Variants in EFCAB8 observed in about 807,000 individuals in gnomAD.
The protein encoded by EFCAB8 is EF-hand calcium-binding domain-containing protein 8.
A neutral mutation model predicts 116.3 loss-of-function variants in EFCAB8; 100 were observed. The observed-to-expected ratio is 0.86, with a 90% confidence interval of 0.73 to 1.02. The LOEUF is 1.02. Among genes scored for constraint, EFCAB8 ranks in the 50% least tolerant of loss-of-function variants. EFCAB8 has a pLI of 0.00. For missense variants in EFCAB8, 1,320 were observed against 1,416.9 expected (o/e 0.93, Z 1.10); for synonymous variants, 558 against 567.9 (o/e 0.98, Z 0.25).
intron 11 of EFCAB8, among the ~76,000 whole-genome samples, chr20:32,903,172 C>T (rs541508145): frequency 1.3e-3 from 200 of 152,346 alleles, no homozygotes; most frequent in African/African-American, 4.8e-3. Context: ...CCTCTCATGC[C>T]CTCTCCTCCT....
intron 5 of EFCAB8, among the ~76,000 whole-genome samples, chr20:32,881,843 G>T (rs374169216): frequency 1.3e-5 from 2 of 152,134 alleles, no homozygotes; most frequent in African/African-American, 2.4e-5. Context: ...GGATGAAGGC[G>T]CAATCCACCC....
At chr20:32,942,664 A>T (rs555624130) in intron 22 of EFCAB8, among the ~76,000 whole-genome samples, 1 of 152,128 alleles carries the variant, frequency 6.6e-6, no homozygotes, top group Non-Finnish European at 1.5e-5. Context: ...TTGGTGTTCA[A>T]GTCAGTTTTT....
chr20:32,889,408 T>C lies in EFCAB8; in HGVS notation c.673+2T>C. 6.4e-7 allele frequency: 1 copy of C among 1,551,516 alleles called. No individual in the cohort carries two copies. Among genetic ancestry groups the C allele is most frequent in the Non-Finnish European group, 8.7e-7 (1 of 1,146,858 alleles). Reference sequence around the variant, plus strand: ...TTGCGTCTACCAGGCAAAAGATAGGTGAGTCCCTGGGGGCTTCCCAGCTCT... The same window carrying C: ...TTGCGTCTACCAGGCAAAAGATAGGCGAGTCCCTGGGGGCTTCCCAGCTCT... On this transcript the variant is annotated splice_donor_variant, in intron 7 of 26. Coordinates refer to ENST00000400522, the MANE Select transcript of EFCAB8 (RefSeq NM_001143967.2). LOFTEE classifies it high-confidence loss of function.
In EFCAB8 at chr20:32,961,523, A is replaced by C; in HGVS notation, c.3781A>C (p.Ile1261Leu). 1 of 1,416,246 alleles carries C rather than the reference A, an allele frequency of 7.1e-7. No homozygotes were observed. Among genetic ancestry groups the C allele is most frequent in the Non-Finnish European group, 9.2e-7 (1 of 1,082,152 alleles). 87.7% of individuals were successfully genotyped at this position (1,416,246 alleles called of 1,614,324 possible). ...TLQGSVTPKHIVSSFERPPRP... is the reference protein window; with the variant it reads ...TLQGSVTPKHLVSSFERPPRP... ...GCAGGGGTCAGTGACCCCCAAGCAC[A>C]TTGTCTCCTCCTTCGAGCGGCCCCC... The change falls in exon 27 of 27, where the codon ATT becomes CTT. Residue 1261 changes from isoleucine (I) to leucine (L), a missense_variant. Coordinates refer to ENST00000400522, the MANE Select transcript of EFCAB8 (RefSeq NM_001143967.2).
chr20:32,910,408 C>T (rs1210355823), intron 15 of EFCAB8, among the ~76,000 whole-genome samples: 1 of 152,164 alleles, frequency 6.6e-6, no homozygotes, highest in Non-Finnish European at 1.5e-5. Context: ...TTGGGCAGGG[C>T]AGCTGGGCAT....
At chr20:32,870,030 G>A (rs1984609924) in intron 3 of EFCAB8, among the ~76,000 whole-genome samples, 1 of 152,136 alleles carries the variant, frequency 6.6e-6, no homozygotes, top group Non-Finnish European at 1.5e-5. Flanking sequence ...ATACTTAAAG[G>A]CATCTTTCTT....
At position 32,908,284 on chromosome 20, in the gene EFCAB8, G is replaced by A. The variant is rs1036363872; in HGVS notation, c.1318G>A (p.Val440Met). Residue 440 changes from valine (V) to methionine (M), a missense_variant, in exon 14 of 27, where the codon GTG becomes ATG. Transcript: ENST00000400522. ...ISVSKDKNIR[V>M]WDMLDYICLQ... ...TTTTCCCATCCCCCAGAATATTCGC[G>A]TGTGGGACATGCTGGACTACATATG... The A allele has an allele frequency of 4.6e-5, 58 of 1,249,660 alleles. No individual in the cohort carries two copies. The highest frequency in any genetic ancestry group is 1.3e-4 in the Admixed American group (3 of 23,694). 77.4% of individuals were successfully genotyped at this position (1,249,660 alleles called of 1,614,324 possible). A position where few individuals can be genotyped will look rare whatever the true frequency, so the allele number is the denominator to read the frequency against.
chr20:32,939,203 C>CTTTCTTTCCT lies in EFCAB8; in HGVS notation c.2791-4433_2791-4432insTTTCTTTCCT, dbSNP rs1555869214. On this transcript the variant is annotated intron_variant, in intron 22 of 26. Coordinates refer to ENST00000400522, the MANE Select transcript of EFCAB8 (RefSeq NM_001143967.2). ...TCTTTCTTTCTTTCTTTCTTTCTTT[C>CTTTCTTTCCT]CTCTCTCTCTCTCTCTCTCTCTCTT... Among the ~76,000 whole-genome samples the CTTTCTTTCCT allele has an allele frequency of 6.1e-4, 31 of 51,040 alleles. 1 individual carries two copies. Among genetic ancestry groups the CTTTCTTTCCT allele is most frequent in the Non-Finnish European group, 9.5e-4 (25 of 26,414 alleles). The allele number at this position is 51,040 out of a possible 152,430, so 33.5% of individuals were successfully genotyped here.
intron 22 of EFCAB8, among the ~76,000 whole-genome samples, chr20:32,939,125 C>CTTTCTTTCTTTCTT (rs1555868878): frequency 1.8e-5 from 1 of 56,524 alleles, no homozygotes; most frequent in East Asian, 5.6e-4. Flanking sequence ...CTCTTTCTTT[C>CTTTCTTTCTTTCTT]TCTTTCTTTC....
At chr20:32,907,619 G>T (rs1986737892) in intron 13 of EFCAB8, among the ~76,000 whole-genome samples, 1 of 152,198 alleles carries the variant, frequency 6.6e-6, no homozygotes, top group Admixed American at 6.5e-5. Flanking sequence ...GGCCCTCAGG[G>T]TCACCTGGAG....
rs529027446 is a variant in EFCAB8 at position 32,889,318 on chromosome 20, G to A, written c.585G>A (p.Gln195=). The change falls in exon 7 of 27, where the codon CAG becomes CAA. Residue 195 remains glutamine (Q), a synonymous_variant. Transcript: ENST00000400522. ...MSSFRLNQTQ[Q]LYNQPMWVID... is the part of the protein sequence containing the mutation. ...CTGGCCAGCTTAACCAGACCCAGCA[G>A]CTCTACAACCAGCCGATGTGGGTCA... 1.5e-5 allele frequency: 23 copies of A among 1,551,656 alleles called. No individual in the cohort carries two copies. In the South Asian group the frequency reaches 2.6e-4, roughly 18 times the overall value.
At chr20:32,901,311 A>G (rs1170886444) in intron 11 of EFCAB8, among the ~76,000 whole-genome samples, 1 of 152,238 alleles carries the variant, frequency 6.6e-6, no homozygotes, top group African/African-American at 2.4e-5. Flanking sequence ...TGACACTAAC[A>G]ATAGCTGATG....
At chr20:32,949,936 G>A (rs774669178) in intron 23 of EFCAB8, among the ~76,000 whole-genome samples, 4 of 152,176 alleles carry the variant, frequency 2.6e-5, no homozygotes, top group Non-Finnish European at 5.9e-5. Flanking sequence ...GGAGGCGGAG[G>A]CTGCAGTGAG....
At position 32,938,093 on chromosome 20, in the gene EFCAB8, A is replaced by T. The variant is rs144256734; in HGVS notation, c.2791-5543A>T. On this transcript the variant is annotated intron_variant, in intron 22 of 26. Transcript: ENST00000400522. The stretch of plus-strand genomic sequence containing the variant: ...ATACTAGCAAATTGAAACCAACAAC[A>T]TATGAAAATGATTATACACCATGAC... 4.9e-3 allele frequency among the ~76,000 whole-genome samples: 739 copies of T among 150,200 alleles called. 45 individuals are homozygous for T. The highest frequency in any genetic ancestry group is 6.6e-3 in the Non-Finnish European group (448 of 67,490).
chr20:32,931,170 A>G lies in EFCAB8; in HGVS notation c.2632-8A>G, dbSNP rs1437274558. On this transcript the variant is annotated splice_polypyrimidine_tract_variant and splice_region_variant and intron_variant, in intron 21 of 26. Coordinates refer to ENST00000400522, the MANE Select transcript of EFCAB8 (RefSeq NM_001143967.2). ...GTGTGAGGCCACTAACCCACACTTTATGTCTAGATCTGGGACATCAAGGAT... is the reference window on the plus strand; with the variant it reads ...GTGTGAGGCCACTAACCCACACTTTGTGTCTAGATCTGGGACATCAAGGAT... 5 of 1,532,562 alleles carry G rather than the reference A, an allele frequency of 3.3e-6. No individual in the cohort carries two copies. Among genetic ancestry groups the G allele is most frequent in the Non-Finnish European group, 4.4e-6 (5 of 1,138,018 alleles). 94.9% of individuals were successfully genotyped at this position (1,532,562 alleles called of 1,614,324 possible). A position where few individuals can be genotyped will look rare whatever the true frequency, so the allele number is the denominator to read the frequency against.
intron 23 of EFCAB8, among the ~76,000 whole-genome samples, chr20:32,955,103 G>A (rs1258367050): frequency 6.6e-6 from 1 of 152,086 alleles, no homozygotes; most frequent in Non-Finnish European, 1.5e-5. Context: ...GCATTTTTCT[G>A]GTAAGTGGAG....
In EFCAB8 at chr20:32,884,794, TAGG is replaced by T. The variant is rs146781336; in HGVS notation, c.432-708_432-706del. On this transcript the variant is annotated intron_variant, in intron 5 of 26. Transcript: ENST00000400522. ...GGGCTCAAAGATTGGGCAGATCAAG[TAGG>T]AGAGTGTGTGCCATGCCATGCCATG... is the stretch of plus-strand genomic sequence containing the variant. Among the ~76,000 whole-genome samples the T allele has an allele frequency of 5.3e-5, 8 of 152,228 alleles. No homozygotes were observed. The East Asian group carries it at 1.5e-3, about 29-fold the overall frequency.
In EFCAB8 at chr20:32,908,376, C is replaced by T. The variant is rs374580855; in HGVS notation, c.1410C>T (p.Phe470=). The T allele has an allele frequency of 4.2e-5, 52 of 1,250,000 alleles. No individual in the cohort carries two copies. The highest frequency in any genetic ancestry group is 4.9e-5 in the Non-Finnish European group (48 of 988,284). The allele number at this position is 1,250,000 out of a possible 1,614,324, so 77.4% of individuals were successfully genotyped here. Residue 470 remains phenylalanine (F), a synonymous_variant, in exon 14 of 27, where the codon TTC becomes TTT. Coordinates refer to ENST00000400522, the MANE Select transcript of EFCAB8 (RefSeq NM_001143967.2). ...GNCPITSAYF[F]EKDNTLICST... is the part of the protein sequence containing the mutation. The stretch of plus-strand genomic sequence containing the variant: ...GCCCCATCACCAGTGCCTACTTCTT[C>T]GAGAAGGACAATACCCTCATCTGCA...
rs559855844 is a variant in EFCAB8, at chr20:32,928,456, C to T, written c.2413-1942C>T. On this transcript the variant is annotated intron_variant, in intron 20 of 26. Coordinates refer to ENST00000400522, the MANE Select transcript of EFCAB8 (RefSeq NM_001143967.2). ...TTCACCATGTTGACCAGGCTGGTCTCGAACTCTTGACCTCATGATCCACCT... is the reference window on the plus strand; with the variant it reads ...TTCACCATGTTGACCAGGCTGGTCTTGAACTCTTGACCTCATGATCCACCT... 1.8e-4 allele frequency among the ~76,000 whole-genome samples: 28 copies of T among 152,082 alleles called. No homozygotes were observed. The South Asian group carries it at 5.6e-3, about 30-fold the overall frequency.
Sources: gnomAD v4.1 joint callset for allele counts (sites outside exome capture counted in the v4.1 genomes callset) on GRCh38, gnomAD v4.1.1 for gene constraint, MANE v1.5 for transcripts, NCBI Gene and HGNC (gene_info 2026-07-23, HGNC 2026-07-21) for gene names.